The following F13A1 variants were observed in gnomAD, a reference collection of about 807,000 sequenced individuals.
F13A1 encodes the protein FSF, A subunit.
In F13A1, 47 loss-of-function variants were observed where a neutral mutation model predicts 80.1. That is an observed-to-expected ratio of 0.59 (90% CI 0.46 to 0.75). The LOEUF (loss-of-function observed/expected upper bound fraction) is 0.75, where lower values mean the gene tolerates loss of function less well. Among genes scored for constraint, F13A1 ranks in the 30% least tolerant of loss-of-function variants. The probability of loss-of-function intolerance (pLI) is 0.00; values close to 1 mark genes in which losing one functional copy is unlikely to be tolerated. For synonymous variants in F13A1, 349 were observed against 344.9 expected (o/e 1.01, Z -0.13); for missense variants, 817 against 930.4 (o/e 0.88, Z 1.59).
At chr6:6,242,791 AATAAT>A (rs1265341130) in intron 6 of F13A1, among the ~76,000 whole-genome samples, 1 of 152,200 alleles carries the variant, frequency 6.6e-6, no homozygotes, top group Non-Finnish European at 1.5e-5. Context: ...GGTTTCTTCA[AATAAT>A]AGCATGGTTA....
At chr6:6,302,442 A>G (rs1758447631) in intron 3 of F13A1, among the ~76,000 whole-genome samples, 1 of 152,240 alleles carries the variant, frequency 6.6e-6, no homozygotes, top group Non-Finnish European at 1.5e-5. Context: ...TACTGAATAC[A>G]GCACTGCAGG....
chr6:6,317,665 A>G (rs1404246681), intron 2 of F13A1, among the ~76,000 whole-genome samples: 1 of 152,078 alleles, frequency 6.6e-6, no homozygotes, highest in African/African-American at 2.4e-5. Flanking sequence ...AGGGGAATCG[A>G]CCACACAGCT....
intron 12 of F13A1, among the ~76,000 whole-genome samples, chr6:6,173,786 C>T (rs972919479): frequency 6.6e-6 from 1 of 152,102 alleles, no homozygotes; most frequent in African/African-American, 2.4e-5. Flanking sequence ...AAAGACTTTC[C>T]TAACTTGGGC....
intron 10 of F13A1, among the ~76,000 whole-genome samples, chr6:6,191,513 C>T (rs1761199551): frequency 6.6e-6 from 1 of 152,146 alleles, no homozygotes. Context: ...TAGCCTCTAC[C>T]ATTGGTCAGG....
At chr6:6,198,207 T>C (rs1295050605) in intron 8 of F13A1, among the ~76,000 whole-genome samples, 1 of 152,176 alleles carries the variant, frequency 6.6e-6, no homozygotes, top group East Asian at 1.9e-4. Context: ...TTACCCTTTA[T>C]TAAAAGTGCT....
chr6:6,168,203 C>T (rs1306389310), intron 12 of F13A1, among the ~76,000 whole-genome samples: 6 of 152,192 alleles, frequency 3.9e-5, no homozygotes, highest in South Asian at 2.1e-4. Flanking sequence ...CAACTATCTC[C>T]GAACCTCTGT....
At chr6:6,195,962 G>T in intron 9 of F13A1, 77 bp from the exon 10 acceptor site, 1 of 1,299,892 alleles carries the variant, frequency 7.7e-7, no homozygotes, top group Non-Finnish European at 1.1e-6. Context: ...TCATGGCACT[G>T]AGGGTGACTC....
intron 11 of F13A1, among the ~76,000 whole-genome samples, chr6:6,179,052 C>G (rs1760932568): frequency 1.3e-5 from 2 of 152,266 alleles, no homozygotes; most frequent in South Asian, 2.1e-4. Flanking sequence ...GAGGAAGAGA[C>G]AGTGGTGAAA....
chr6:6,310,518 G>A (rs1223045414), intron 2 of F13A1, among the ~76,000 whole-genome samples: 1 of 152,064 alleles, frequency 6.6e-6, no homozygotes, highest in African/African-American at 2.4e-5. Context: ...TATTATTGTT[G>A]TTGTTATTAT....
rs1040856987 is a variant in F13A1 at position 6,162,533 on chromosome 6, T to C, written c.1908+4925A>G. ...ACCTCTGCTTTTTGTGATAGTTCCATTGTAGCCCAGCGGCTGCCAGCACAG... is the reference window on the plus strand; with the variant it reads ...ACCTCTGCTTTTTGTGATAGTTCCACTGTAGCCCAGCGGCTGCCAGCACAG... On this transcript the variant is annotated intron_variant, in intron 13 of 14. Transcript: ENST00000264870. The surrounding 1 kb of genome is among the most constrained non-coding windows in gnomAD (Gnocchi z 4.2). 3.9e-5 allele frequency among the ~76,000 whole-genome samples: 6 copies of C among 152,218 alleles called. No individual in the cohort carries two copies. Among genetic ancestry groups the C allele is most frequent in the African/African-American group, 1.2e-4 (5 of 41,456 alleles).
At chr6:6,228,065 G>C (rs1356824925) in intron 6 of F13A1, among the ~76,000 whole-genome samples, 3 of 152,098 alleles carry the variant, frequency 2.0e-5, no homozygotes, top group African/African-American at 7.2e-5. Flanking sequence ...TGCCACAGTT[G>C]GCTGTTTTAA....
chr6:6,265,844 G>A (rs1757835929), intron 4 of F13A1, among the ~76,000 whole-genome samples: 1 of 152,184 alleles, frequency 6.6e-6, no homozygotes, highest in African/African-American at 2.4e-5. Context: ...CAGAGTTATA[G>A]ACTCTAATAG....
chr6:6,159,817 G>GC lies in F13A1; in HGVS notation c.1908+7640dup, dbSNP rs571403133. Among the ~76,000 whole-genome samples the GC allele has an allele frequency of 9.2e-5, 14 of 152,164 alleles. No individual in the cohort carries two copies. In the East Asian group the frequency reaches 2.7e-3, roughly 29 times the overall value. ...TCTGTGGGTTAAGCATCTTTCACAG[G>GC]CCCCATGTACACTGTCTTTGCAAGA... On this transcript the variant is annotated intron_variant, in intron 13 of 14. Transcript: ENST00000264870.
intron 7 of F13A1, among the ~76,000 whole-genome samples, chr6:6,223,370 A>C (rs1430264104): frequency 6.6e-6 from 1 of 152,224 alleles, no homozygotes; most frequent in African/African-American, 2.4e-5. Flanking sequence ...AATTGTAGGC[A>C]TGGGGAGAAC....
chr6:6,317,621 A>G (rs763770446), intron 2 of F13A1, among the ~76,000 whole-genome samples: 4 of 152,050 alleles, frequency 2.6e-5, no homozygotes, highest in Admixed American at 1.3e-4. Flanking sequence ...AGCTGCATCA[A>G]TCTGGGCTTT....
At position 6,318,696 on chromosome 6, in the gene F13A1, A is replaced by AAAG. The variant is rs11414870; in HGVS notation, c.-18-15_-18-14insCTT. ...CTTTACAAGGTCCTTCAGAAAAAAAAAAAAAAGAAGACAACAGAAAAGGCA... is the reference window on the plus strand; with the variant it reads ...CTTTACAAGGTCCTTCAGAAAAAAAAAAGAAAAAAGAAGACAACAGAAAAGGCA... On this transcript the variant is annotated splice_polypyrimidine_tract_variant and intron_variant, in intron 1 of 14. Transcript: ENST00000264870. The AAAG allele has an allele frequency of 6.2e-7, 1 of 1,604,348 alleles. No individual in the cohort carries two copies. Among genetic ancestry groups the AAAG allele is most frequent in the South Asian group, 1.1e-5 (1 of 89,680 alleles).
chr6:6,193,261 TA>T (rs2151081274), intron 10 of F13A1, among the ~76,000 whole-genome samples: 2 of 152,218 alleles, frequency 1.3e-5, no homozygotes, highest in South Asian at 4.1e-4. Context: ...TCATGGAGAC[TA>T]AGGCCCTGGG....
intron 6 of F13A1, among the ~76,000 whole-genome samples, chr6:6,246,643 G>C (rs551902865): frequency 4.6e-5 from 7 of 152,306 alleles, no homozygotes; most frequent in African/African-American, 1.7e-4. Flanking sequence ...TTTGCATTAG[G>C]AGTATGTGTG....
At chr6:6,189,986 G>A (rs1026536383) in intron 10 of F13A1, among the ~76,000 whole-genome samples, 13 of 151,960 alleles carry the variant, frequency 8.6e-5, no homozygotes, top group South Asian at 4.2e-4. Context: ...ATTTTCCATC[G>A]CTGATACCCT....
Sources: allele counts gnomAD v4.1 joint callset (sites outside exome capture counted in the v4.1 genomes callset), GRCh38; gene constraint gnomAD v4.1.1; non-coding constraint Gnocchi (gnomAD v3.1); transcripts MANE v1.5; gene names NCBI Gene and HGNC (gene_info 2026-07-23, HGNC 2026-07-21).